CTNNA2: variants seen among roughly 807,000 people sequenced by gnomAD.
CTNNA2 encodes catenin alpha 2.
CTNNA2 carries 42 observed loss-of-function variants against 101.0 expected under a neutral mutation model. The observed-to-expected ratio is 0.42, with a 90% CI of 0.32 to 0.54. The LOEUF (loss-of-function observed/expected upper bound fraction) is 0.54, where lower values mean the gene tolerates loss of function less well. Among genes scored for constraint, CTNNA2 ranks in the 20% least tolerant of loss-of-function variants. The probability of loss-of-function intolerance (pLI) is 0.14; values close to 1 mark genes in which losing one functional copy is unlikely to be tolerated. For synonymous variants in CTNNA2, 450 were observed against 456.4 expected (o/e 0.99, Z 0.18); for missense variants, 871 against 1,223.1 (o/e 0.71, Z 4.29).
chr2:79,577,271 T>C (rs1245087988), intron 1 of CTNNA2, among the ~76,000 whole-genome samples: 1 of 152,126 alleles, frequency 6.6e-6, no homozygotes, highest in African/African-American at 2.4e-5. Context: ...TGACGTATGT[T>C]AACTTTTATT....
At chr2:80,291,183 C>T (rs568215266) in intron 7 of CTNNA2, among the ~76,000 whole-genome samples, 8 of 152,342 alleles carry the variant, frequency 5.3e-5, no homozygotes, top group East Asian at 3.9e-4. Flanking sequence ...TCTCTAAAGA[C>T]GTTGGAGTCT....
chr2:80,596,922 A>T (rs913035433), intron 15 of CTNNA2, among the ~76,000 whole-genome samples: 2 of 152,172 alleles, frequency 1.3e-5, no homozygotes, highest in Admixed American at 1.3e-4. Context: ...ACATGAAGTG[A>T]TGTTGAATTT....
At chr2:79,685,515 C>T (rs17785020) in intron 2 of CTNNA2, among the ~76,000 whole-genome samples, 35 of 152,202 alleles carry the variant, frequency 2.3e-4, no homozygotes, top group African/African-American at 7.9e-4. Context: ...AACATGCGAC[C>T]CCCAAGGTTA....
chr2:79,336,215 G>A (rs1573091437), intron 3 of CTNNA2, among the ~76,000 whole-genome samples: 1 of 152,106 alleles, frequency 6.6e-6, no homozygotes, highest in Non-Finnish European at 1.5e-5. Flanking sequence ...GAACCAGGGG[G>A]CAAGACTGCA....
At chr2:80,205,511 G>C (rs1350234057) in intron 7 of CTNNA2, among the ~76,000 whole-genome samples, 1 of 152,120 alleles carries the variant, frequency 6.6e-6, no homozygotes, top group Non-Finnish European at 1.5e-5. Flanking sequence ...TAAAGAAGAT[G>C]GATAATTTAT....
chr2:79,820,023 GGTTT>G (rs1341442342), intron 3 of CTNNA2, among the ~76,000 whole-genome samples: 1 of 151,948 alleles, frequency 6.6e-6, no homozygotes, highest in Non-Finnish European at 1.5e-5. Context: ...TCGTCTAGTT[GGTTT>G]ATTTACCACT....
chr2:80,208,977 C>T (rs977192591), intron 7 of CTNNA2, among the ~76,000 whole-genome samples: 3 of 152,162 alleles, frequency 2.0e-5, no homozygotes, highest in South Asian at 4.2e-4. Context: ...CAATAAACTG[C>T]TCCTTCAGTG....
Position 80,530,273 on chromosome 2 carries a change from A to G in CTNNA2, c.1291-14709A>G, listed in dbSNP as rs1690421949. On this transcript the variant is annotated intron_variant, in intron 9 of 18. Coordinates refer to ENST00000402739, the MANE Select transcript of CTNNA2 (RefSeq NM_001282597.3). Reference sequence around the variant, plus strand: ...TGCTCTGCCCTGCTTTCTGAGCATCATGGAAATATTAGATTTCAGAGCTGA... The same window carrying G: ...TGCTCTGCCCTGCTTTCTGAGCATCGTGGAAATATTAGATTTCAGAGCTGA... Among the ~76,000 whole-genome samples the G allele has an allele frequency of 2.0e-5, 3 of 152,174 alleles. No homozygotes were observed. The South Asian group carries it at 6.2e-4, about 31-fold the overall frequency.
intron 7 of CTNNA2, among the ~76,000 whole-genome samples, chr2:79,967,103 C>T (rs1690123656): frequency 2.0e-5 from 2 of 101,138 alleles, no homozygotes; most frequent in African/African-American, 3.8e-5. Flanking sequence ...TATGCGTGCA[C>T]ACACGCGCAC....
At chr2:79,535,107 C>T (rs11681330) in intron 1 of CTNNA2, among the ~76,000 whole-genome samples, 17,632 of 152,100 alleles carry the variant, frequency 0.12, 1,112 homozygotes, top group African/African-American at 0.15. Flanking sequence ...AAAAATTTAA[C>T]ATATGATAGA....
At chr2:79,872,717 T>C (rs1032055567) in intron 5 of CTNNA2, among the ~76,000 whole-genome samples, 1 of 152,218 alleles carries the variant, frequency 6.6e-6, no homozygotes, top group African/African-American at 2.4e-5. Context: ...TGTCTCAGAA[T>C]TGTTTTGACC....
intron 7 of CTNNA2, among the ~76,000 whole-genome samples, chr2:80,267,337 A>T (rs1399821257): frequency 1.3e-5 from 2 of 152,218 alleles, no homozygotes; most frequent in Non-Finnish European, 2.9e-5. Context: ...AGTAATAAGT[A>T]AGAGAAATGA....
intron 16 of CTNNA2, 53 bp downstream of exon 16, chr2:80,604,232 C>G (rs1697802016): frequency 1.4e-6 from 2 of 1,456,878 alleles, no homozygotes; most frequent in African/African-American, 2.8e-5. Flanking sequence ...CTAATTAGCA[C>G]TTGGGTTTTG....
intron 14 of CTNNA2, among the ~76,000 whole-genome samples, chr2:80,582,818 G>A (rs77826188): frequency 1.4e-4 from 21 of 152,204 alleles, no homozygotes; most frequent in African/African-American, 4.1e-4. Context: ...ATTGGGAAAC[G>A]CCAGAAAGCC....
At chr2:79,849,082 C>G (rs1409767375) in intron 3 of CTNNA2, among the ~76,000 whole-genome samples, 4 of 152,092 alleles carry the variant, frequency 2.6e-5, no homozygotes, top group Non-Finnish European at 5.9e-5. Flanking sequence ...ATCTGAAATT[C>G]ACCAGTCTCA....
At chr2:79,520,521 T>G (rs558943189) in intron 1 of CTNNA2, among the ~76,000 whole-genome samples, 5 of 152,082 alleles carry the variant, frequency 3.3e-5, no homozygotes, top group Admixed American at 6.6e-5. Context: ...TTTATCAAAG[T>G]TAAAGAAAGA....
intron 7 of CTNNA2, 127 bp downstream of exon 7, chr2:79,909,924 A>C (rs1685671663): frequency 2.1e-6 from 2 of 937,670 alleles, no homozygotes; most frequent in South Asian, 3.9e-5. Context: ...GTCAGGTGAA[A>C]CCAAAGAACT....
intron 7 of CTNNA2, among the ~76,000 whole-genome samples, chr2:80,023,263 T>A (rs1694699914): frequency 6.6e-6 from 1 of 152,226 alleles, no homozygotes; most frequent in Admixed American, 6.5e-5. Context: ...TGAGTGAGCA[T>A]TAGTGCGAGC....
chr2:80,393,118 T>C lies in CTNNA2; in HGVS notation c.1057-93T>C, dbSNP rs1677677594. On this transcript the variant is annotated intron_variant, in intron 7 of 18. Coordinates refer to ENST00000402739, the MANE Select transcript of CTNNA2 (RefSeq NM_001282597.3). ...TAATCTTTTTAAAAAATTGTTTGAA[T>C]TTAACTTCTCATGTTTTCCTGATTT... The C allele has an allele frequency of 3.2e-6, 3 of 930,684 alleles. No individual in the cohort carries two copies. In the African/African-American group the frequency reaches 5.1e-5, roughly 16 times the overall value. The allele number at this position is 930,684 out of a possible 1,614,324, so 57.7% of individuals were successfully genotyped here. A position where few individuals can be genotyped will look rare whatever the true frequency, so the allele number is the denominator to read the frequency against.
Sources: gnomAD v4.1 joint callset for allele counts (sites outside exome capture counted in the v4.1 genomes callset) on GRCh38, gnomAD v4.1.1 for gene constraint, MANE v1.5 for transcripts, NCBI Gene and HGNC (gene_info 2026-07-23, HGNC 2026-07-21) for gene names.